ATAD2B: variants seen among roughly 807,000 people sequenced by gnomAD.
ATAD2B encodes ATPase family AAA domain-containing protein 2B.
In ATAD2B, 40 loss-of-function variants were observed where a neutral mutation model predicts 167.6. The ratio of observed to expected loss-of-function variants is 0.24; its 90% CI spans 0.19 to 0.31. The LOEUF is 0.31. ATAD2B is among the 10% of genes least tolerant of loss of function. ATAD2B has a pLI of 1.00. For missense variants in ATAD2B, 1,242 were observed against 1,757.2 expected (o/e 0.71, Z 5.24); for synonymous variants, 579 against 596.5 (o/e 0.97, Z 0.43).
At chr2:23,695,979 G>T in the ATAD2B span, 1 of 1,551,578 alleles carries the variant, frequency 6.4e-7, no homozygotes, top group South Asian at 1.2e-5. This position sits in a 1 kb window ranked among gnomAD's most constrained non-coding sequence, Gnocchi z 7.6. Context: ...TCTTGGTTGG[G>T]GGCCGTCAGA....
the ATAD2B span, among the ~76,000 whole-genome samples, chr2:23,725,778 A>T: frequency 1.3e-5 from 2 of 152,224 alleles, no homozygotes; most frequent in Non-Finnish European, 1.5e-5. Flanking sequence ...AAACATATAA[A>T]TAATTACATT....
chr2:23,848,584 T>C (rs1387486054), intron 13 of ATAD2B, among the ~76,000 whole-genome samples: 2 of 152,188 alleles, frequency 1.3e-5, no homozygotes, highest in African/African-American at 2.4e-5. Context: ...CTATCATCAA[T>C]TGAAGGTAGA....
At chr2:23,868,523 G>A (rs2150081445) in intron 9 of ATAD2B, among the ~76,000 whole-genome samples, 1 of 152,220 alleles carries the variant, frequency 6.6e-6, no homozygotes, top group East Asian at 1.9e-4. Context: ...AAATTCCTAG[G>A]CTCAGCCACC....
chr2:23,901,420 G>A (rs1700825680), intron 1 of ATAD2B, among the ~76,000 whole-genome samples: 1 of 148,858 alleles, frequency 6.7e-6, no homozygotes, highest in Non-Finnish European at 1.5e-5. Context: ...GCTTATCCCT[G>A]CTACTAGTTG....
chr2:23,705,152 T>C, the ATAD2B span, among the ~76,000 whole-genome samples: 3 of 152,202 alleles, frequency 2.0e-5, no homozygotes, highest in South Asian at 2.1e-4. Context: ...AACTGGAGCA[T>C]TGCGCTCCAC....
intron 17 of ATAD2B, among the ~76,000 whole-genome samples, chr2:23,814,099 T>C (rs896262323): frequency 5.9e-5 from 9 of 151,986 alleles, no homozygotes; most frequent in African/African-American, 2.2e-4. Flanking sequence ...ACAAAATTAT[T>C]GAAAAAACAT....
At chr2:23,771,395 T>A (rs1485453384) in intron 22 of ATAD2B, among the ~76,000 whole-genome samples, 1 of 152,236 alleles carries the variant, frequency 6.6e-6, no homozygotes, top group Non-Finnish European at 1.5e-5. Context: ...AGAAAGTACT[T>A]ACTCTTTCAT....
intron 1 of ATAD2B, among the ~76,000 whole-genome samples, chr2:23,910,535 A>G (rs1028685812): frequency 1.3e-5 from 2 of 151,798 alleles, no homozygotes; most frequent in Non-Finnish European, 2.9e-5. Context: ...AAAGAAAGGC[A>G]CTTTCATTCC....
At chr2:23,742,448 G>A in the ATAD2B span, among the ~76,000 whole-genome samples, 6 of 150,776 alleles carry the variant, frequency 4.0e-5, no homozygotes, top group South Asian at 6.3e-4. Context: ...GCAAACCATC[G>A]CAAGGACAAA....
intron 12 of ATAD2B, among the ~76,000 whole-genome samples, chr2:23,861,558 G>T (rs1300763142): frequency 4.2e-5 from 6 of 142,080 alleles, no homozygotes; most frequent in African/African-American, 1.6e-4. Context: ...CTCCCACCAA[G>T]AAAACTATGA....
chr2:23,916,459 TTAAAG>T (rs1703053283), intron 1 of ATAD2B, among the ~76,000 whole-genome samples: 1 of 152,212 alleles, frequency 6.6e-6, no homozygotes, highest in Non-Finnish European at 1.5e-5. Flanking sequence ...TGACAAGTTT[TTAAAG>T]TAATTTCTAA....
At chr2:23,813,189 C>A in intron 17 of ATAD2B, among the ~76,000 whole-genome samples, 1 of 150,746 alleles carries the variant, frequency 6.6e-6, no homozygotes, top group Admixed American at 6.6e-5. Flanking sequence ...TAAAAGGCAG[C>A]CTAGGAAATG....
chr2:23,848,049 T>C (rs1691966635), intron 13 of ATAD2B, among the ~76,000 whole-genome samples: 2 of 151,200 alleles, frequency 1.3e-5, no homozygotes, highest in African/African-American at 2.4e-5. Flanking sequence ...ACTTGTCACT[T>C]GCAGGCCCAC....
At chr2:23,713,923 A>G in the ATAD2B span, among the ~76,000 whole-genome samples, 9 of 152,334 alleles carry the variant, frequency 5.9e-5, no homozygotes, top group South Asian at 4.1e-4. Flanking sequence ...TTTGAGATTA[A>G]ATAAATTTGG....
intron 22 of ATAD2B, among the ~76,000 whole-genome samples, chr2:23,772,724 T>C (rs1678522380): frequency 6.6e-6 from 1 of 151,934 alleles, no homozygotes; most frequent in African/African-American, 2.4e-5. Context: ...GAGGGAACAC[T>C]GCTTTTTTGG....
intron 1 of ATAD2B, among the ~76,000 whole-genome samples, chr2:23,915,469 A>AT (rs1702900474): frequency 6.7e-6 from 1 of 150,338 alleles, no homozygotes; most frequent in Admixed American, 6.7e-5. Context: ...CCAACTCACT[A>AT]TTTAAAAAAA....
At chr2:23,801,523 T>C (rs191951412) in intron 18 of ATAD2B, among the ~76,000 whole-genome samples, 4 of 150,940 alleles carry the variant, frequency 2.7e-5, no homozygotes, top group Admixed American at 2.0e-4. Context: ...AAAAAGACAG[T>C]AGGCCAAATT....
intron 3 of ATAD2B, 64 bp from the exon 4 acceptor site, chr2:23,888,049 A>T (rs1057490016): frequency 1.1e-4 from 141 of 1,332,512 alleles, no homozygotes; most frequent in Non-Finnish European, 1.3e-4. Flanking sequence ...AAGAAAAAAA[A>T]AATCAAAAAA....
chr2:23,844,070 C>G (rs557158450), intron 13 of ATAD2B, among the ~76,000 whole-genome samples: 1 of 152,218 alleles, frequency 6.6e-6, no homozygotes. Context: ...TCCCAAGTAG[C>G]TGGGATTACA....
Sources: allele counts gnomAD v4.1 joint callset (sites outside exome capture counted in the v4.1 genomes callset), GRCh38; gene constraint gnomAD v4.1.1; non-coding constraint Gnocchi (gnomAD v3.1); transcripts MANE v1.5; gene names NCBI Gene and HGNC (gene_info 2026-07-23, HGNC 2026-07-21).